The following LARGE1 variants were observed in gnomAD, a reference collection of about 807,000 sequenced individuals.
LARGE1 encodes the protein xylosyl- and glucuronyltransferase LARGE1.
In LARGE1, 43 loss-of-function variants were observed where a neutral mutation model predicts 87.6. The ratio of observed to expected loss-of-function variants is 0.49; its 90% CI spans 0.38 to 0.63. The LOEUF is 0.63. Among genes scored for constraint, LARGE1 ranks in the 30% least tolerant of loss-of-function variants. The pLI, the probability that LARGE1 is intolerant of heterozygous loss-of-function variation, is 0.00. For missense variants in LARGE1, 802 were observed against 1,000.2 expected (o/e 0.80, Z 2.67); for synonymous variants, 434 against 394.6 (o/e 1.10, Z -1.18).
intron 6 of LARGE1, among the ~76,000 whole-genome samples, chr22:33,443,247 C>G (rs1010317336): frequency 6.6e-6 from 1 of 152,180 alleles, no homozygotes; most frequent in African/African-American, 2.4e-5. Context: ...GCATTCCCAC[C>G]TCTCAGTTAC....
chr22:33,667,923 A>G (rs16992774), intron 2 of LARGE1, among the ~76,000 whole-genome samples: 1,905 of 152,264 alleles, frequency 0.013, 42 homozygotes, highest in African/African-American at 0.044. Context: ...TTTTTCTTTC[A>G]TAGTGTGGGG....
the LARGE1 span, among the ~76,000 whole-genome samples, chr22:33,151,743 G>A: frequency 6.6e-6 from 1 of 152,064 alleles, no homozygotes; most frequent in South Asian, 2.1e-4. Context: ...ATTGATTTTT[G>A]CACACTGAAA....
chr22:33,832,646 T>C (rs1169085512), intron 1 of LARGE1, among the ~76,000 whole-genome samples: 1 of 152,182 alleles, frequency 6.6e-6, no homozygotes, highest in African/African-American at 2.4e-5. Context: ...CCACTGTGCA[T>C]AGGCTGTTTA....
chr22:33,590,308 A>G (rs915002875), intron 5 of LARGE1, among the ~76,000 whole-genome samples: 6 of 152,224 alleles, frequency 3.9e-5, no homozygotes, highest in Non-Finnish European at 8.8e-5. Context: ...TATTTAACCA[A>G]GAATTAAAGT....
At chr22:33,740,463 A>T (rs1390792289) in intron 2 of LARGE1, among the ~76,000 whole-genome samples, 1 of 152,132 alleles carries the variant, frequency 6.6e-6, no homozygotes, top group Non-Finnish European at 1.5e-5. Context: ...TCCTCCGAGG[A>T]CCTATTATCT....
intron 1 of LARGE1, among the ~76,000 whole-genome samples, chr22:33,906,935 A>T (rs2065472445): frequency 6.6e-6 from 1 of 152,082 alleles, no homozygotes; most frequent in South Asian, 2.1e-4. Flanking sequence ...TAATACACAC[A>T]TTAACAAATT....
chr22:33,427,187 A>G (rs2066908747), intron 7 of LARGE1, among the ~76,000 whole-genome samples: 1 of 152,230 alleles, frequency 6.6e-6, no homozygotes, highest in Non-Finnish European at 1.5e-5. Flanking sequence ...AGCTTCTTGC[A>G]TCTAGGAGAT....
In LARGE1 at chr22:33,650,417, C is replaced by A. The variant is rs1184338089; in HGVS notation, c.358G>T (p.Ala120Ser). The A allele has an allele frequency of 6.2e-7, 1 of 1,614,020 alleles. No homozygotes were observed. The change falls in exon 3 of 15, where the codon GCA (alanine) becomes TCA (serine). Residue 120 changes from alanine (A) to serine (S), a missense_variant. By Grantham distance (99) the Ala-to-Ser change is moderately conservative. This residue lies in a region of LARGE1 where 625 missense variants were observed against 841.9 expected (regional missense o/e 0.74). Coordinates refer to ENST00000397394, the MANE Select transcript of LARGE1 (RefSeq NM_133642.5). ...DSENLRAGIV[A>S]GNSSECGQQP... Reference sequence around the variant, plus strand: ...TGCCCACACTCGGAGCTGTTGCCTGCCACGATGCCAGCCCGAAGGTTCTCG... The same window carrying A: ...TGCCCACACTCGGAGCTGTTGCCTGACACGATGCCAGCCCGAAGGTTCTCG...
chr22:33,304,541 T>C, intron 11 of LARGE1, 34 bp from the exon 12 acceptor site: 1 of 1,537,456 alleles, frequency 6.5e-7, no homozygotes, highest in African/African-American at 1.4e-5. Context: ...CCGCGGGACC[T>C]GGGCCATCCA....
At position 33,650,621 on chromosome 22, in the gene LARGE1, G is replaced by C. The variant is rs901501231; in HGVS notation, c.154C>G (p.Pro52Ala). Residue 52 changes from proline to alanine, a missense_variant, in exon 3 of 15, where the codon CCC (proline) becomes GCC (alanine). Transcript: ENST00000397394. Reference protein sequence around the residue: ...LSPLESQAHSPRYTASSQRER... With the variant: ...LSPLESQAHSARYTASSQRER... ...CGCTGGCTGGAGGCCGTGTACCTGG[G>C]GCTGTGTGCCTGGGACTCCAGCGGT... 5 of 1,603,820 alleles carry C rather than the reference G, an allele frequency of 3.1e-6. No individual in the cohort carries two copies. The South Asian group carries it at 5.5e-5, about 18-fold the overall frequency.
At chr22:33,117,555 A>T in the LARGE1 span, among the ~76,000 whole-genome samples, 1 of 151,898 alleles carries the variant, frequency 6.6e-6, no homozygotes. Flanking sequence ...AAACATTTTC[A>T]TTTCCAAATA....
intron 6 of LARGE1, among the ~76,000 whole-genome samples, chr22:33,555,346 G>C (rs1429322606): frequency 6.6e-6 from 1 of 152,110 alleles, no homozygotes; most frequent in Non-Finnish European, 1.5e-5. Flanking sequence ...TATGGGGTGA[G>C]GCAGAGCAGC....
rs549576580 is a variant in LARGE1 at position 33,522,413 on chromosome 22, A to G, written c.787+42435T>C. Among the ~76,000 whole-genome samples the G allele has an allele frequency of 7.7e-4, 117 of 152,280 alleles. 1 individual carries two copies. Among genetic ancestry groups the G allele is most frequent in the Non-Finnish European group, 1.1e-3 (72 of 68,010 alleles). ...TTTTCAGTAATCTGAGAGTTAATAAATGGTATCTCTGGTGCATGCCTGTAA... is the reference window on the plus strand; with the variant it reads ...TTTTCAGTAATCTGAGAGTTAATAAGTGGTATCTCTGGTGCATGCCTGTAA... On this transcript the variant is annotated intron_variant, in intron 6 of 14. Transcript: ENST00000397394.
intron 2 of LARGE1, among the ~76,000 whole-genome samples, chr22:33,677,892 C>T (rs796117461): frequency 1.5e-4 from 23 of 152,268 alleles, no homozygotes; most frequent in African/African-American, 5.3e-4. Flanking sequence ...AGATGGAACG[C>T]GGTCCTCCAG....
At chr22:33,441,884 G>A (rs932547073) in intron 6 of LARGE1, among the ~76,000 whole-genome samples, 2 of 152,144 alleles carry the variant, frequency 1.3e-5, no homozygotes, top group African/African-American at 2.4e-5. Flanking sequence ...CTTCAGATGC[G>A]ATCTATGTAC....
chr22:33,815,361 CTCT>C (rs2086619549), intron 1 of LARGE1, among the ~76,000 whole-genome samples: 2 of 152,166 alleles, frequency 1.3e-5, no homozygotes, highest in African/African-American at 4.8e-5. Flanking sequence ...AAAATCATTG[CTCT>C]TCATTAATTC....
chr22:33,289,941 G>C (rs917454591), intron 12 of LARGE1, among the ~76,000 whole-genome samples: 1 of 152,088 alleles, frequency 6.6e-6, no homozygotes, highest in Non-Finnish European at 1.5e-5. Flanking sequence ...GCAGGGGAGG[G>C]GATGTGAGTG....
intron 7 of LARGE1, among the ~76,000 whole-genome samples, chr22:33,413,373 A>G (rs1167826560): frequency 1.3e-5 from 2 of 152,194 alleles, no homozygotes; most frequent in East Asian, 3.9e-4. Context: ...TTTTTCCTAC[A>G]TATATTTTAT....
At chr22:33,122,357 T>C in the LARGE1 span, among the ~76,000 whole-genome samples, 1 of 146,928 alleles carries the variant, frequency 6.8e-6, no homozygotes, top group African/African-American at 2.6e-5. Context: ...TCTTTTCTTT[T>C]TCTTTTTTTT....
Sources: gnomAD v4.1 joint callset for allele counts (sites outside exome capture counted in the v4.1 genomes callset) on GRCh38, gnomAD v4.1.1 for gene constraint, gnomAD v4.1.1 regional missense constraint, MANE v1.5 for transcripts, NCBI Gene and HGNC (gene_info 2026-07-23, HGNC 2026-07-21) for gene names.